The following CFAP299 variants were observed in gnomAD, a reference collection of about 807,000 sequenced individuals.
The protein encoded by CFAP299 is cilia- and flagella-associated protein 299.
In CFAP299, 21 loss-of-function variants were observed where a neutral mutation model predicts 27.0. The observed-to-expected ratio is 0.78, with a 90% CI of 0.55 to 1.12. The LOEUF is 1.12. Ranked by LOEUF, CFAP299 falls within the 50% of genes most tolerant of loss-of-function variation. CFAP299 has a pLI of 0.00. For missense variants in CFAP299, 310 were observed against 276.6 expected, an observed-to-expected ratio of 1.12 and a Z score of -0.86; for synonymous variants, 104 against 98.1, an observed-to-expected ratio of 1.06 and a Z score of -0.36.
intron 3 of CFAP299, among the ~76,000 whole-genome samples, chr4:80,583,797 T>A (rs981520976): frequency 6.6e-6 from 1 of 151,990 alleles, no homozygotes; most frequent in African/African-American, 2.4e-5. Context: ...AGTCTTAACA[T>A]GTTCCAAATC....
intron 3 of CFAP299, among the ~76,000 whole-genome samples, chr4:80,828,881 T>C (rs1730139088): frequency 1.3e-5 from 2 of 151,958 alleles, no homozygotes; most frequent in African/African-American, 4.8e-5. Flanking sequence ...ACTCAGTATC[T>C]GCATGCAAAA....
chr4:80,896,555 A>G (rs538542409), intron 4 of CFAP299, among the ~76,000 whole-genome samples: 22 of 152,244 alleles, frequency 1.4e-4, no homozygotes, highest in African/African-American at 5.3e-4. Flanking sequence ...AAGTCAAATC[A>G]TATGTAACAC....
chr4:80,500,020 A>C (rs1486931960), intron 2 of CFAP299, among the ~76,000 whole-genome samples: 1 of 151,490 alleles, frequency 6.6e-6, no homozygotes, highest in East Asian at 1.9e-4. Flanking sequence ...TTTTGTTTTG[A>C]AATAAGTTCA....
chr4:80,524,097 C>G (rs1300801123), intron 2 of CFAP299, among the ~76,000 whole-genome samples: 1 of 152,092 alleles, frequency 6.6e-6, no homozygotes, highest in African/African-American at 2.4e-5. Flanking sequence ...AGGACAAACT[C>G]TTGAAGTACT....
intron 2 of CFAP299, among the ~76,000 whole-genome samples, chr4:80,430,959 G>GT (rs149122079): frequency 0.01 from 1,523 of 152,214 alleles, 29 homozygotes; most frequent in African/African-American, 0.035. Flanking sequence ...TACCCAAATG[G>GT]TTTAGTCCCT....
chr4:80,771,350 T>G (rs1390762193), intron 3 of CFAP299, among the ~76,000 whole-genome samples: 1 of 152,194 alleles, frequency 6.6e-6, no homozygotes, highest in Admixed American at 6.5e-5. Flanking sequence ...AATCCATATT[T>G]GCTCAGAAAT....
At chr4:80,638,317 T>C (rs989382358) in intron 3 of CFAP299, among the ~76,000 whole-genome samples, 1 of 152,192 alleles carries the variant, frequency 6.6e-6, no homozygotes, top group African/African-American at 2.4e-5. Flanking sequence ...TTTGAGAACA[T>C]TTTCTTCAAC....
At chr4:80,867,128 T>C (rs975963503) in intron 3 of CFAP299, among the ~76,000 whole-genome samples, 1 of 152,214 alleles carries the variant, frequency 6.6e-6, no homozygotes, top group Non-Finnish European at 1.5e-5. Context: ...GTGCTTTAAA[T>C]ATCTTGAAAC....
At chr4:80,690,389 T>A (rs1331760224) in intron 3 of CFAP299, among the ~76,000 whole-genome samples, 3 of 152,048 alleles carry the variant, frequency 2.0e-5, no homozygotes, top group Non-Finnish European at 4.4e-5. Context: ...ATTAAGAAAC[T>A]CACTCAAAAC....
At chr4:80,751,669 G>A (rs992327599) in intron 3 of CFAP299, among the ~76,000 whole-genome samples, 5 of 152,182 alleles carry the variant, frequency 3.3e-5, no homozygotes, top group African/African-American at 9.7e-5. Flanking sequence ...AGGACCATTT[G>A]TATTTGCCAA....
intron 3 of CFAP299, among the ~76,000 whole-genome samples, chr4:80,664,271 C>G (rs967492756): frequency 2.0e-5 from 3 of 152,152 alleles, no homozygotes; most frequent in Non-Finnish European, 4.4e-5. Flanking sequence ...GAGCACTATG[C>G]TGGGAGATCC....
intron 2 of CFAP299, among the ~76,000 whole-genome samples, chr4:80,487,863 T>C (rs1281354760): frequency 3.9e-5 from 6 of 152,168 alleles, no homozygotes; most frequent in Non-Finnish European, 5.9e-5. Flanking sequence ...TCTCACATTG[T>C]TCTGCTAATT....
intron 3 of CFAP299, among the ~76,000 whole-genome samples, chr4:80,729,134 T>C (rs1001090846): frequency 6.6e-6 from 1 of 152,218 alleles, no homozygotes; most frequent in Non-Finnish European, 1.5e-5. Context: ...TCTCTAGTCA[T>C]CCACGCAATT....
chr4:80,627,011 C>CAACAAACA (rs70944797), intron 3 of CFAP299, among the ~76,000 whole-genome samples: 5 of 151,260 alleles, frequency 3.3e-5, no homozygotes, highest in Middle Eastern at 3.4e-3. Context: ...ACCTTGATAC[C>CAACAAACA]AACAAACAAA....
chr4:80,737,663 C>T (rs1460214883), intron 3 of CFAP299, among the ~76,000 whole-genome samples: 2 of 151,832 alleles, frequency 1.3e-5, no homozygotes. Flanking sequence ...TTAGTATCCT[C>T]TGTCTTTTTT....
At chr4:80,853,371 GT>G (rs1339141001) in intron 3 of CFAP299, among the ~76,000 whole-genome samples, 1 of 152,174 alleles carries the variant, frequency 6.6e-6, no homozygotes, top group Non-Finnish European at 1.5e-5. Context: ...AAAGAAATAA[GT>G]ACCAAGATAG....
At chr4:80,349,651 T>A (rs1183274229) in intron 1 of CFAP299, among the ~76,000 whole-genome samples, 1 of 152,144 alleles carries the variant, frequency 6.6e-6, no homozygotes, top group African/African-American at 2.4e-5. Flanking sequence ...GAGGAACTCA[T>A]GATATTAAAT....
chr4:80,930,206 T>A (rs1736547736), intron 4 of CFAP299, among the ~76,000 whole-genome samples: 1 of 152,168 alleles, frequency 6.6e-6, no homozygotes, highest in African/African-American at 2.4e-5. Context: ...GGGACAGGGT[T>A]CAAAGGGCTT....
intron 2 of CFAP299, chr4:80,387,529 T>A: frequency 1.2e-6 from 1 of 865,456 alleles, no homozygotes; most frequent in East Asian, 2.4e-5. Flanking sequence ...TGGTAGGGGC[T>A]GGCCCAACCC....
Sources: gnomAD v4.1 joint callset for allele counts (sites outside exome capture counted in the v4.1 genomes callset) on GRCh38, gnomAD v4.1.1 for gene constraint, MANE v1.5 for transcripts, NCBI Gene and HGNC (gene_info 2026-07-23, HGNC 2026-07-21) for gene names.